UNC13B: variants seen among roughly 807,000 people sequenced by gnomAD.
UNC13B encodes the protein unc-13 homolog B.
Under a neutral mutation model 211.0 loss-of-function variants are expected in UNC13B, and 144 were observed. That is an observed-to-expected ratio of 0.68 (90% CI 0.60 to 0.78). UNC13B has a LOEUF of 0.78. Ranked by LOEUF, UNC13B falls within the 30% of genes least tolerant of loss-of-function variation. The probability of loss-of-function intolerance (pLI) is 0.00; values close to 1 mark genes in which losing one functional copy is unlikely to be tolerated. For synonymous variants in UNC13B, 709 were observed against 725.8 expected, an observed-to-expected ratio of 0.98 and a Z score of 0.37; for missense variants, 1,777 against 2,002.0, an observed-to-expected ratio of 0.89 and a Z score of 2.14.
intron 30 of UNC13B, 139 bp from the exon 31 acceptor site, chr9:35,398,072 C>A (rs1836006225): frequency 2.9e-6 from 2 of 680,530 alleles, no homozygotes; most frequent in Admixed American, 3.0e-5. Context: ...TCTGAACTGG[C>A]CCCAGCTCTT....
Position 35,398,980 on chromosome 9 carries a change from C to G in UNC13B, c.12020C>G (p.Ala4007Gly), listed in dbSNP as rs769128557. The G allele has an allele frequency of 6.2e-7, 1 of 1,614,044 alleles. No homozygotes were observed. The highest frequency in any genetic ancestry group is 8.5e-7 in the Non-Finnish European group (1 of 1,180,016). Reference sequence around the variant, plus strand: ...GCATCTCCAGACGCCAGGGCCTCAGCGGCTCAGGATGCAGATAGCGTACTC... The same window carrying G: ...GCATCTCCAGACGCCAGGGCCTCAGGGGCTCAGGATGCAGATAGCGTACTC... Reference protein sequence around the residue: ...GNASPDARASAAQDADSVLRP... With the variant: ...GNASPDARASGAQDADSVLRP... The change falls in exon 33 of 40, where the codon GCG becomes GGG. Residue 4007 changes from alanine (A) to glycine (G), a missense_variant. Transcript: ENST00000635942.
intron 7 of UNC13B, among the ~76,000 whole-genome samples, chr9:35,268,110 C>T (rs1827675914): frequency 6.6e-6 from 1 of 152,154 alleles, no homozygotes; most frequent in African/African-American, 2.4e-5. Flanking sequence ...GGCTCCACTC[C>T]CATTCTTGTA....
intron 1 of UNC13B, among the ~76,000 whole-genome samples, chr9:35,184,601 G>T (rs1226039216): frequency 1.3e-5 from 2 of 152,118 alleles, no homozygotes; most frequent in African/African-American, 4.8e-5. Context: ...CCAGGCACTC[G>T]GCAGGCTGAG....
chr9:35,282,379 GCTTGTTTT>G (rs1324019439), intron 7 of UNC13B, among the ~76,000 whole-genome samples: 1 of 151,832 alleles, frequency 6.6e-6, no homozygotes, highest in East Asian at 1.9e-4. Flanking sequence ...GTTTGTTTTT[GCTTGTTTT>G]CTTGTTTTCT....
At chr9:35,367,670 T>G (rs553158856) in intron 12 of UNC13B, among the ~76,000 whole-genome samples, 56 of 152,330 alleles carry the variant, frequency 3.7e-4, no homozygotes, top group Admixed American at 1.9e-3. Context: ...CTCCAGCTGT[T>G]GTGAGTCATC....
chr9:35,262,232 C>G (rs1332748736), intron 7 of UNC13B, among the ~76,000 whole-genome samples: 6 of 151,284 alleles, frequency 4.0e-5, no homozygotes, highest in Non-Finnish European at 8.8e-5. Context: ...TTTTCTTTCT[C>G]TCTCCTTCCT....
intron 22 of UNC13B, 34 bp downstream of exon 22, chr9:35,384,348 G>A (rs748376855): frequency 2.3e-5 from 37 of 1,610,246 alleles, no homozygotes; most frequent in Non-Finnish European, 2.9e-5. Context: ...CAGGATAATA[G>A]ATATCAAGCA....
At chr9:35,355,466 A>G (rs1366213230) in intron 11 of UNC13B, among the ~76,000 whole-genome samples, 1 of 152,192 alleles carries the variant, frequency 6.6e-6, no homozygotes, top group East Asian at 1.9e-4. Context: ...ACTTATCAAA[A>G]AGAGTCTAAA....
intron 1 of UNC13B, 92 bp downstream of exon 1, chr9:35,162,397 C>T (rs1436214956): frequency 4.2e-6 from 6 of 1,412,424 alleles, no homozygotes; most frequent in South Asian, 1.4e-5. Context: ...CTCACCCAAA[C>T]TTTACATCCC....
intron 3 of UNC13B, among the ~76,000 whole-genome samples, chr9:35,235,969 T>C (rs1303306111): frequency 6.6e-5 from 10 of 151,898 alleles, no homozygotes; most frequent in African/African-American, 2.4e-4. Flanking sequence ...GACAAAGGCA[T>C]TTTTCTTTCT....
chr9:35,297,984 TATCA>T lies in UNC13B; in HGVS notation c.761+2057_761+2060del, dbSNP rs1276279768. Reference sequence around the variant, plus strand: ...ATATCTGGAGTGATACCTGAGACTGTATCAATACTCTGTTTCCCCAATAGTCTTT... The same window carrying T: ...ATATCTGGAGTGATACCTGAGACTGTATACTCTGTTTCCCCAATAGTCTTT... On this transcript the variant is annotated intron_variant, in intron 8 of 39. Coordinates refer to ENST00000635942, the MANE Select transcript of UNC13B (RefSeq NM_001371189.2). 3.3e-5 allele frequency among the ~76,000 whole-genome samples: 5 copies of T among 152,360 alleles called. No individual in the cohort carries two copies. The East Asian group carries it at 7.7e-4, about 23-fold the overall frequency.
chr9:35,402,194 G>T (rs187197943), intron 37 of UNC13B, among the ~76,000 whole-genome samples: 1 of 151,954 alleles, frequency 6.6e-6, no homozygotes, highest in Non-Finnish European at 1.5e-5. Context: ...GATCTCTGTC[G>T]TATTCTCAGC....
At position 35,378,565 on chromosome 9, in the gene UNC13B, T is replaced by G. The variant is rs562650336; in HGVS notation, c.10205+129T>G. ...GGGAGAAAACTCATTTCTCGCATGC[T>G]TCGTTCAGACATCAGCCATTCTTTC... On this transcript the variant is annotated intron_variant, in intron 17 of 39. Transcript: ENST00000635942. 1.2e-5 allele frequency: 15 copies of G among 1,228,610 alleles called. No homozygotes were observed. In the South Asian group the frequency reaches 2.1e-4, roughly 17 times the overall value. The allele number at this position is 1,228,610 out of a possible 1,614,324, so 76.1% of individuals were successfully genotyped here. A position where few individuals can be genotyped will look rare whatever the true frequency, so the allele number is the denominator to read the frequency against.
intron 1 of UNC13B, among the ~76,000 whole-genome samples, chr9:35,195,029 C>T (rs1452001505): frequency 6.6e-6 from 1 of 152,126 alleles, no homozygotes; most frequent in Non-Finnish European, 1.5e-5. Context: ...TTGGTTCAAT[C>T]AGGTGTGAGC....
Position 35,302,352 on chromosome 9 carries a change from G to A in UNC13B, c.2948G>A (p.Ser983Asn). The part of the protein sequence containing the change: ...NIHDDLEKFD[S>N]IKEFNKNDQV... The stretch of plus-strand genomic sequence containing the variant: ...CATGATGATCTAGAGAAGTTTGACA[G>A]TATAAAGGAATTTAATAAGAATGAC... Residue 983 changes from serine (S) to asparagine (N), a missense_variant, in exon 9 of 40, where the codon AGT becomes AAT. Coordinates refer to ENST00000635942, the MANE Select transcript of UNC13B (RefSeq NM_001371189.2). 2.5e-6 allele frequency: 1 copy of A among 398,492 alleles called. No individual in the cohort carries two copies. Among genetic ancestry groups the A allele is most frequent in the African/African-American group, 2.1e-5 (1 of 48,692 alleles). 24.7% of individuals were successfully genotyped at this position (398,492 alleles called of 1,614,324 possible).
intron 6 of UNC13B, among the ~76,000 whole-genome samples, chr9:35,250,276 T>A (rs1035670341): frequency 2.0e-5 from 3 of 152,202 alleles, no homozygotes; most frequent in African/African-American, 7.2e-5. Flanking sequence ...CAATTTTGAA[T>A]ATTTTCATTG....
chr9:35,374,735 ACT>A (rs1457261460), intron 13 of UNC13B, among the ~76,000 whole-genome samples: 1 of 151,966 alleles, frequency 6.6e-6, no homozygotes, highest in Non-Finnish European at 1.5e-5. Context: ...CTTGAATGTG[ACT>A]CTGACAGAGT....
chr9:35,278,160 C>G (rs540887428), intron 7 of UNC13B, among the ~76,000 whole-genome samples: 197 of 152,226 alleles, frequency 1.3e-3, no homozygotes, highest in Middle Eastern at 3.4e-3. Context: ...GGAAATGAAT[C>G]CTCTTGTTGT....
intron 1 of UNC13B, among the ~76,000 whole-genome samples, chr9:35,197,615 C>T (rs1321206339): frequency 5.9e-5 from 9 of 152,178 alleles, no homozygotes; most frequent in African/African-American, 1.7e-4. Context: ...AATCTCATGT[C>T]GAATTGTATT....
Sources: allele counts gnomAD v4.1 joint callset (sites outside exome capture counted in the v4.1 genomes callset), GRCh38; gene constraint gnomAD v4.1.1; transcripts MANE v1.5; gene names NCBI Gene and HGNC (gene_info 2026-07-23, HGNC 2026-07-21).